Variants in SLA observed in about 807,000 individuals in gnomAD.
SLA encodes the protein src-like-adapter.
SLA carries 16 observed loss-of-function variants against 30.3 expected under a neutral mutation model. The ratio of observed to expected loss-of-function variants is 0.53; its 90% CI spans 0.36 to 0.80. SLA has a LOEUF of 0.80. Among genes scored for constraint, SLA ranks in the 30% least tolerant of loss-of-function variants. The probability of loss-of-function intolerance (pLI) is 0.01; values close to 1 mark genes in which losing one functional copy is unlikely to be tolerated. For synonymous variants in SLA, 143 were observed against 137.8 expected (o/e 1.04, Z -0.26); for missense variants, 310 against 345.2 (o/e 0.90, Z 0.81).
intron 1 of SLA, among the ~76,000 whole-genome samples, chr8:133,095,731 A>G (rs917743137): frequency 1.3e-5 from 2 of 152,232 alleles, no homozygotes; most frequent in Non-Finnish European, 2.9e-5. Context: ...TGAAGGGGAC[A>G]TTAGCAGGAA....
At chr8:133,080,800 C>T (rs943027101) in intron 1 of SLA, among the ~76,000 whole-genome samples, 2 of 152,218 alleles carry the variant, frequency 1.3e-5, no homozygotes, top group African/African-American at 2.4e-5. Context: ...CCTTTCTTTC[C>T]TGTGTGGATG....
At chr8:133,092,438 G>A (rs16904827) in intron 1 of SLA, among the ~76,000 whole-genome samples, 10,194 of 152,226 alleles carry the variant, frequency 0.067, 1,125 homozygotes, top group African/African-American at 0.23. Context: ...GGAGCCCAGG[G>A]CTGTGGACCT....
chr8:133,072,464 G>GGATA (rs1262984908), intron 2 of SLA, among the ~76,000 whole-genome samples: 3 of 152,078 alleles, frequency 2.0e-5, no homozygotes, highest in Admixed American at 6.5e-5. Flanking sequence ...ATAGATAGAT[G>GGATA]GATAGATAGA....
At chr8:133,069,203 C>T (rs4736622) in intron 2 of SLA, among the ~76,000 whole-genome samples, 29,538 of 152,218 alleles carry the variant, frequency 0.19, 3,170 homozygotes, top group Non-Finnish European at 0.24. Context: ...CTATAAAGTC[C>T]GTGATTTCTT....
chr8:133,092,490 C>T (rs556756771), intron 1 of SLA, among the ~76,000 whole-genome samples: 1 of 152,356 alleles, frequency 6.6e-6, no homozygotes, highest in Admixed American at 6.5e-5. Flanking sequence ...GATCCCTTTA[C>T]ATCCTGTGGG....
chr8:133,047,977 C>T, intron 5 of SLA, 44 bp from the exon 6 acceptor site: 1 of 1,274,318 alleles, frequency 7.8e-7, no homozygotes, highest in Non-Finnish European at 1.1e-6. Flanking sequence ...AACAAGCCCT[C>T]CCCCAGGAAA....
chr8:133,101,542 C>T (rs1849252636), intron 1 of SLA, among the ~76,000 whole-genome samples: 1 of 152,036 alleles, frequency 6.6e-6, no homozygotes, highest in Admixed American at 6.6e-5. Flanking sequence ...GCCCCTCCTG[C>T]CCCATCTGGG....
chr8:133,049,945 C>T lies in SLA; in HGVS notation c.205G>A (p.Glu69Lys). The change falls in exon 5 of 9, where the codon GAG becomes AAG. Residue 69 changes from glutamate (E) to lysine (K), a missense_variant. Physicochemically the swap from Glu to Lys is moderately conservative, Grantham distance 56. Coordinates refer to ENST00000338087, the MANE Select transcript of SLA (RefSeq NM_001045556.3). ...ACACATATTCCAGGGATGTAACTCT[C>T]TCGACCAGTGCTAAGAGAAATAGCT... ...WKAISLSTGRESYIPGICVAR... is the reference protein window; with the variant it reads ...WKAISLSTGRKSYIPGICVAR... 1.2e-6 allele frequency: 2 copies of T among 1,613,876 alleles called. No homozygotes were observed. The highest frequency in any genetic ancestry group is 1.3e-5 in the African/African-American group (1 of 75,052).
intron 6 of SLA, chr8:133,046,358 A>T (rs1326226884): frequency 1.3e-5 from 2 of 152,282 alleles, no homozygotes; most frequent in Non-Finnish European, 2.9e-5. Flanking sequence ...CCCCTATGGG[A>T]TATGGCCAGA....
intron 8 of SLA, 78 bp from the exon 9 acceptor site, chr8:133,038,815 G>T: frequency 3.4e-6 from 3 of 889,856 alleles, no homozygotes; most frequent in Non-Finnish European, 3.6e-6. Context: ...AAGGGCAAGA[G>T]AATGAGAACA....
intron 1 of SLA, among the ~76,000 whole-genome samples, chr8:133,083,886 G>C (rs1020392021): frequency 6.6e-6 from 1 of 152,090 alleles, no homozygotes; most frequent in Non-Finnish European, 1.5e-5. Context: ...TGCACCCAGT[G>C]GTTCCCAGTT....
intron 1 of SLA, among the ~76,000 whole-genome samples, chr8:133,078,612 A>G (rs1417060903): frequency 6.6e-6 from 1 of 152,218 alleles, no homozygotes; most frequent in African/African-American, 2.4e-5. Flanking sequence ...GTTAGCACTC[A>G]CTGTGTGCCA....
intron 3 of SLA, among the ~76,000 whole-genome samples, chr8:133,054,307 T>C (rs1320871785): frequency 3.3e-5 from 5 of 152,164 alleles, no homozygotes; most frequent in Non-Finnish European, 7.3e-5. Flanking sequence ...TGAAGACATA[T>C]GCACTGCGCA....
intron 4 of SLA, 101 bp downstream of exon 4, chr8:133,050,715 C>T: frequency 2.6e-6 from 2 of 776,806 alleles, no homozygotes; most frequent in Non-Finnish European, 4.6e-6. Context: ...GACCAGGACT[C>T]ATGTGGAACT....
chr8:133,090,662 A>G (rs914342615), intron 1 of SLA, among the ~76,000 whole-genome samples: 3 of 152,250 alleles, frequency 2.0e-5, no homozygotes, highest in Non-Finnish European at 4.4e-5. Context: ...TGCAAATTAC[A>G]CATCAGGTAT....
At chr8:133,043,680 C>T (rs1838756790) in intron 7 of SLA, among the ~76,000 whole-genome samples, 1 of 152,170 alleles carries the variant, frequency 6.6e-6, no homozygotes, top group Non-Finnish European at 1.5e-5. Context: ...CTCTCCTGAG[C>T]AGCCATTTTT....
At chr8:133,075,858 G>A (rs1165114899) in intron 1 of SLA, among the ~76,000 whole-genome samples, 1 of 152,186 alleles carries the variant, frequency 6.6e-6, no homozygotes, top group Non-Finnish European at 1.5e-5. Context: ...GAGCCTAGGT[G>A]AAGGGGATAT....
intron 1 of SLA, among the ~76,000 whole-genome samples, chr8:133,081,573 T>C (rs1420865792): frequency 6.7e-6 from 1 of 148,670 alleles, no homozygotes; most frequent in African/African-American, 2.5e-5. Context: ...CTAAAATTAT[T>C]CTCAGGAAGA....
At position 133,038,713 on chromosome 8, in the gene SLA, T is replaced by C; in HGVS notation, c.642A>G (p.Thr214=). 6.2e-7 allele frequency: 1 copy of C among 1,613,758 alleles called. No homozygotes were observed. The change falls in exon 9 of 9, where the codon ACA becomes ACG. Residue 214 remains threonine, a synonymous_variant. Coordinates refer to ENST00000338087, the MANE Select transcript of SLA (RefSeq NM_001045556.3). ...VSRLQEDPEG[T]ENPLGVDESL... is the part of the protein sequence containing the mutation. Reference sequence around the variant, plus strand: ...ACTCGTCTACCCCAAGCGGGTTCTCTGTTCCCTCGGGGTCCTCCTGCAGTC... The same window carrying C: ...ACTCGTCTACCCCAAGCGGGTTCTCCGTTCCCTCGGGGTCCTCCTGCAGTC...
Sources: gnomAD v4.1 joint callset for allele counts (sites outside exome capture counted in the v4.1 genomes callset) on GRCh38, gnomAD v4.1.1 for gene constraint, MANE v1.5 for transcripts, NCBI Gene and HGNC (gene_info 2026-07-23, HGNC 2026-07-21) for gene names.